The following SMIM31 variants were observed in gnomAD, a reference collection of about 807,000 sequenced individuals.
SMIM31 encodes the protein human epithelial cell program regulator.
chr4:164,772,746 T>C (rs1300010119), intron 2 of SMIM31, among the ~76,000 whole-genome samples: 1 of 151,322 alleles, frequency 6.6e-6, no homozygotes, highest in Non-Finnish European at 1.5e-5. Flanking sequence ...GCCCGGCTAA[T>C]TTTTTGTATT....
chr4:164,766,973 G>A (rs1732728670), intron 1 of SMIM31, among the ~76,000 whole-genome samples: 2 of 152,132 alleles, frequency 1.3e-5, no homozygotes. Context: ...TCTCAGGCAG[G>A]AGGAAGACAG....
At chr4:164,799,606 T>G (rs1733256963) in intron 2 of SMIM31, among the ~76,000 whole-genome samples, 1 of 152,122 alleles carries the variant, frequency 6.6e-6, no homozygotes, top group African/African-American at 2.4e-5. Context: ...TGAAACCCAT[T>G]CACATGGGGA....
At chr4:164,756,524 A>G (rs1288509188) in intron 1 of SMIM31, among the ~76,000 whole-genome samples, 1 of 151,938 alleles carries the variant, frequency 6.6e-6, no homozygotes, top group East Asian at 1.9e-4. Context: ...GTGAGGCGAG[A>G]TCACGTCACT....
chr4:164,755,357 G>C (rs1210367337), intron 1 of SMIM31, among the ~76,000 whole-genome samples: 1 of 150,718 alleles, frequency 6.6e-6, no homozygotes, highest in African/African-American at 2.4e-5. Flanking sequence ...GTGTGTGCCT[G>C]TAATCCCAGC....
At chr4:164,782,264 G>A (rs1377782233) in intron 2 of SMIM31, among the ~76,000 whole-genome samples, 3 of 151,252 alleles carry the variant, frequency 2.0e-5, no homozygotes, top group Non-Finnish European at 1.5e-5. Flanking sequence ...CACTCCACCT[G>A]GGCAACCAGA....
chr4:164,763,932 C>A (rs571428782), intron 1 of SMIM31, among the ~76,000 whole-genome samples: 4 of 152,128 alleles, frequency 2.6e-5, no homozygotes, highest in Non-Finnish European at 5.9e-5. Flanking sequence ...AATCTTCAAA[C>A]ATTCTGTGAG....
At chr4:164,761,847 C>G (rs62352420) in intron 1 of SMIM31, among the ~76,000 whole-genome samples, 11,981 of 151,712 alleles carry the variant, frequency 0.079, 586 homozygotes, top group South Asian at 0.13. Context: ...TGCTTGAACC[C>G]GGGAAGGGGA....
At chr4:164,795,914 T>C (rs1257433477) in intron 2 of SMIM31, among the ~76,000 whole-genome samples, 2 of 152,112 alleles carry the variant, frequency 1.3e-5, no homozygotes, top group African/African-American at 4.8e-5. Context: ...TTCCCTCCAT[T>C]CGGCTTCTGA....
At chr4:164,770,940 C>T (rs1355725221) in intron 2 of SMIM31, among the ~76,000 whole-genome samples, 2 of 152,096 alleles carry the variant, frequency 1.3e-5, no homozygotes, top group African/African-American at 4.8e-5. Flanking sequence ...CAGGGCCCAC[C>T]ACATTTCAGA....
At chr4:164,756,388 G>T (rs1732561278) in intron 1 of SMIM31, among the ~76,000 whole-genome samples, 1 of 152,018 alleles carries the variant, frequency 6.6e-6, no homozygotes, top group Non-Finnish European at 1.5e-5. Flanking sequence ...GGCTAACATG[G>T]TGAAACACTG....
chr4:164,789,165 A>C (rs1351396740), intron 2 of SMIM31, among the ~76,000 whole-genome samples: 1 of 152,206 alleles, frequency 6.6e-6, no homozygotes, highest in East Asian at 1.9e-4. Flanking sequence ...GGAGTTTTTC[A>C]GCTTCAAGGC....
chr4:164,756,790 A>T (rs1473915450), intron 1 of SMIM31, among the ~76,000 whole-genome samples: 2 of 152,018 alleles, frequency 1.3e-5, no homozygotes, highest in East Asian at 3.9e-4. Context: ...GTTGAGTAGG[A>T]TTCCATTATG....
At chr4:164,782,291 CA>C (rs551563718) in intron 2 of SMIM31, among the ~76,000 whole-genome samples, 41 of 128,682 alleles carry the variant, frequency 3.2e-4, no homozygotes, top group South Asian at 7.2e-4. Flanking sequence ...CTCCGTCTCA[CA>C]AAAAAAAAAG....
chr4:164,772,111 C>A (rs1732810081), intron 2 of SMIM31, among the ~76,000 whole-genome samples: 1 of 152,156 alleles, frequency 6.6e-6, no homozygotes, highest in African/African-American at 2.4e-5. Context: ...TATAGTTCTG[C>A]AGGCTGTATA....
rs111384567 is a variant in SMIM31 at position 164,783,144 on chromosome 4, G to A, written c.112+12589G>A. Among the ~76,000 whole-genome samples, 280 of 151,452 alleles carry A rather than the reference G, an allele frequency of 1.8e-3. 3 individuals are homozygous for A. Among genetic ancestry groups the A allele is most frequent in the African/African-American group, 6.5e-3 (269 of 41,198 alleles). On this transcript the variant is annotated intron_variant, in intron 2 of 2. Coordinates refer to ENST00000507311, the MANE Select transcript of SMIM31 (RefSeq NM_001352885.1). ...GAGGCAGGAGAATTGCTTGAACCCG[G>A]GAGGTGGAGGTTGTGGTGAGCCGAG...
chr4:164,760,448 G>A (rs1282250832), intron 1 of SMIM31, among the ~76,000 whole-genome samples: 1 of 151,862 alleles, frequency 6.6e-6, no homozygotes. Context: ...AAGCCAATAG[G>A]GGCCAGGCCT....
chr4:164,785,707 C>A (rs1733018134), intron 2 of SMIM31, among the ~76,000 whole-genome samples: 1 of 151,022 alleles, frequency 6.6e-6, no homozygotes, highest in East Asian at 1.9e-4. Context: ...CTATGCAATG[C>A]ATATATTTAC....
intron 2 of SMIM31, among the ~76,000 whole-genome samples, chr4:164,783,397 G>C (rs1469527678): frequency 6.6e-6 from 1 of 151,480 alleles, no homozygotes; most frequent in African/African-American, 2.4e-5. Flanking sequence ...GGTGGCAGGA[G>C]CCTCTAAACC....
At chr4:164,760,775 G>T (rs539968767) in intron 1 of SMIM31, among the ~76,000 whole-genome samples, 1 of 150,144 alleles carries the variant, frequency 6.7e-6, no homozygotes, top group African/African-American at 2.5e-5. Context: ...AAAGCCAATA[G>T]GATTTCTTGA....
Sources: gnomAD v4.1 joint callset for allele counts (sites outside exome capture counted in the v4.1 genomes callset) on GRCh38, gnomAD v4.1.1 for gene constraint, MANE v1.5 for transcripts, NCBI Gene and HGNC (gene_info 2026-07-23, HGNC 2026-07-21) for gene names.